Variants in TTC6 observed in about 807,000 individuals in gnomAD.
The protein encoded by TTC6 is tetratricopeptide repeat protein 6.
TTC6 carries 172 observed loss-of-function variants against 210.4 expected under a neutral mutation model. The observed-to-expected ratio is 0.82, with a 90% CI of 0.72 to 0.93. TTC6 has a LOEUF of 0.93. Ranked by LOEUF, TTC6 falls within the 40% of genes least tolerant of loss-of-function variation. The pLI is 0.00. For missense variants in TTC6, 2,414 were observed against 2,318.1 expected (o/e 1.04, Z -0.85); for synonymous variants, 804 against 819.6 (o/e 0.98, Z 0.32).
At chr14:37,800,296 C>G (rs1458980963) in intron 20 of TTC6, among the ~76,000 whole-genome samples, 1 of 152,094 alleles carries the variant, frequency 6.6e-6, no homozygotes, top group South Asian at 2.1e-4. Context: ...GAAAGAAGAA[C>G]TAATAATTCA....
chr14:37,736,889 G>A (rs1312703791), intron 8 of TTC6, among the ~76,000 whole-genome samples: 1 of 151,998 alleles, frequency 6.6e-6, no homozygotes, highest in East Asian at 1.9e-4. Context: ...TGAGTATCTG[G>A]GACTACAAGT....
chr14:37,635,543 C>T (rs1376316025), intron 1 of TTC6, among the ~76,000 whole-genome samples: 1 of 152,104 alleles, frequency 6.6e-6, no homozygotes, highest in Non-Finnish European at 1.5e-5. Context: ...GATATATTGT[C>T]TACGAGAAAT....
chr14:37,732,307 C>G (rs1030793653), intron 7 of TTC6, among the ~76,000 whole-genome samples: 1 of 148,768 alleles, frequency 6.7e-6, no homozygotes, highest in Admixed American at 6.8e-5. Context: ...CTCAGCCTCC[C>G]GAGTAGCTGG....
chr14:37,651,187 T>G (rs575341585), intron 1 of TTC6, among the ~76,000 whole-genome samples: 2 of 151,756 alleles, frequency 1.3e-5, no homozygotes, highest in Non-Finnish European at 2.9e-5. Flanking sequence ...CATTGTAAAA[T>G]TGAGGTGAAG....
At chr14:37,780,044 C>G (rs2096049856) in intron 14 of TTC6, among the ~76,000 whole-genome samples, 1 of 152,026 alleles carries the variant, frequency 6.6e-6, no homozygotes, top group South Asian at 2.1e-4. Context: ...AAAAGCGAGT[C>G]TGTTTGAATG....
chr14:37,707,920 T>C (rs2095838445), intron 5 of TTC6, among the ~76,000 whole-genome samples: 1 of 152,092 alleles, frequency 6.6e-6, no homozygotes, highest in African/African-American at 2.4e-5. Context: ...ATGTTAGCAG[T>C]TGAGTCACTC....
chr14:37,762,798 G>A (rs1164311514), intron 14 of TTC6, among the ~76,000 whole-genome samples: 5 of 151,476 alleles, frequency 3.3e-5, no homozygotes, highest in Admixed American at 1.3e-4. Context: ...TTATTTACAC[G>A]TGTTGAACCA....
Position 37,804,802 on chromosome 14 carries a change from C to T in TTC6, c.4152C>T (p.Gly1384=), listed in dbSNP as rs1302307729. ...TGGGTCTTTGTTACATGGAGGAAGG[C>T]AATTTACAAATGGTATTTCGTGTAT... is the stretch of plus-strand genomic sequence containing the variant. The change falls in exon 21 of 31, where the codon GGC becomes GGT. Residue 1384 remains glycine, a synonymous_variant. Coordinates refer to ENST00000553443, the Ensembl canonical transcript of TTC6. 5 of 1,613,576 alleles carry T rather than the reference C, an allele frequency of 3.1e-6. No individual in the cohort carries two copies. In the South Asian group the frequency reaches 5.5e-5, roughly 18 times the overall value.
intron 14 of TTC6, among the ~76,000 whole-genome samples, chr14:37,767,891 A>C (rs2096004345): frequency 6.9e-6 from 1 of 145,266 alleles, no homozygotes. Flanking sequence ...TATGTCCTGA[A>C]TGGTAATGCC....
At chr14:37,767,905 G>T (rs544485933) in intron 14 of TTC6, among the ~76,000 whole-genome samples, 1 of 144,094 alleles carries the variant, frequency 6.9e-6, no homozygotes, top group African/African-American at 2.5e-5. Context: ...TAATGCCTAG[G>T]TTTTCTTCTA....
intron 5 of TTC6, among the ~76,000 whole-genome samples, chr14:37,711,496 A>T (rs568811212): frequency 6.6e-6 from 1 of 152,170 alleles, no homozygotes; most frequent in Non-Finnish European, 1.5e-5. Context: ...ATAGCCACTC[A>T]TTACTATAAT....
intron 1 of TTC6, among the ~76,000 whole-genome samples, chr14:37,639,587 GTGAC>G (rs2095687659): frequency 6.6e-6 from 1 of 151,786 alleles, no homozygotes; most frequent in African/African-American, 2.4e-5. Context: ...AAAATGGAAA[GTGAC>G]TGGGTGCGGT....
intron 29 of TTC6, among the ~76,000 whole-genome samples, chr14:37,838,619 T>A (rs368271621): frequency 1.3e-5 from 2 of 152,242 alleles, no homozygotes; most frequent in East Asian, 3.8e-4. Flanking sequence ...CCCTTGTGGT[T>A]GAGCTCTTAC....
chr14:37,817,980 A>G (rs943803343), intron 26 of TTC6, among the ~76,000 whole-genome samples: 1 of 152,196 alleles, frequency 6.6e-6, no homozygotes, highest in Admixed American at 6.5e-5. Flanking sequence ...AAAATTATGC[A>G]TAGCTCGAAA....
chr14:37,622,976 TG>T lies in TTC6; in HGVS notation c.914del (p.Gly305AlafsTer13). 6.7e-7 allele frequency: 1 copy of T among 1,490,684 alleles called. No homozygotes were observed. The highest frequency in any genetic ancestry group is 2.5e-5 in the East Asian group (1 of 40,168). 92.3% of individuals were successfully genotyped at this position (1,490,684 alleles called of 1,614,324 possible). On this transcript the variant is annotated frameshift_variant, in exon 1 of 31. Coordinates refer to ENST00000553443, the Ensembl canonical transcript of TTC6. LOFTEE classifies it high-confidence loss of function. Reference sequence around the variant, plus strand: ...TCAAAGAGCTCATACGGAGCGTCCTTGGCCAGAACTACGACATTACAATGGA... The same window carrying T: ...TCAAAGAGCTCATACGGAGCGTCCTTGCCAGAACTACGACATTACAATGGA...
At chr14:37,785,934 A>G (rs2096066491) in intron 14 of TTC6, among the ~76,000 whole-genome samples, 1 of 152,158 alleles carries the variant, frequency 6.6e-6, no homozygotes, top group Non-Finnish European at 1.5e-5. Flanking sequence ...GAGGCTGCAG[A>G]ACCACACATG....
intron 1 of TTC6, among the ~76,000 whole-genome samples, chr14:37,670,881 A>C (rs1051532799): frequency 1.3e-5 from 2 of 152,182 alleles, no homozygotes; most frequent in African/African-American, 4.8e-5. Flanking sequence ...CTAAATAATA[A>C]AAATTATGAG....
chr14:37,616,448 GC>G (rs1169444478), intron 2 of TTC6, among the ~76,000 whole-genome samples: 4 of 152,114 alleles, frequency 2.6e-5, no homozygotes, highest in Non-Finnish European at 4.4e-5. Flanking sequence ...CAATCTTCCT[GC>G]TTTTGTTTAC....
intron 28 of TTC6, among the ~76,000 whole-genome samples, chr14:37,826,595 T>A (rs2096172382): frequency 6.6e-6 from 1 of 152,112 alleles, no homozygotes. Context: ...CTTTATACTT[T>A]CATGGGACAT....
Sources: allele counts gnomAD v4.1 joint callset (sites outside exome capture counted in the v4.1 genomes callset), GRCh38; gene constraint gnomAD v4.1.1; transcripts MANE v1.5; gene names NCBI Gene and HGNC (gene_info 2026-07-23, HGNC 2026-07-21).